The following VTA1 variants were observed in gnomAD, a reference collection of about 807,000 sequenced individuals.
VTA1 encodes vesicle trafficking 1.
VTA1 carries 24 observed loss-of-function variants against 36.9 expected under a neutral mutation model. The observed-to-expected ratio is 0.65, with a 90% CI of 0.47 to 0.91. The LOEUF is 0.91. Ranked by LOEUF, VTA1 falls within the 40% of genes least tolerant of loss-of-function variation. The pLI, the probability that VTA1 is intolerant of heterozygous loss-of-function variation, is 0.00. For missense variants in VTA1, 393 were observed against 377.2 expected (o/e 1.04, Z -0.35); for synonymous variants, 142 against 130.2 (o/e 1.09, Z -0.62).
intron 1 of VTA1, among the ~76,000 whole-genome samples, chr6:142,154,636 G>T (rs1778628643): frequency 6.6e-6 from 1 of 152,008 alleles, no homozygotes; most frequent in Admixed American, 6.6e-5. Flanking sequence ...CCAGCATTTT[G>T]TGTCACTATT....
At chr6:142,147,876 G>A (rs912657751) in intron 1 of VTA1, among the ~76,000 whole-genome samples, 1 of 152,186 alleles carries the variant, frequency 6.6e-6, no homozygotes, top group African/African-American at 2.4e-5. Context: ...GTTAAATGGG[G>A]AGTATCTGCT....
chr6:142,195,845 A>G (rs755258476), intron 5 of VTA1, among the ~76,000 whole-genome samples: 2 of 151,928 alleles, frequency 1.3e-5, no homozygotes, highest in Admixed American at 6.6e-5. Context: ...GTGTTTGTAG[A>G]TATCTTACTG....
intron 4 of VTA1, among the ~76,000 whole-genome samples, chr6:142,174,123 C>T (rs1775074372): frequency 6.6e-6 from 1 of 152,180 alleles, no homozygotes; most frequent in East Asian, 1.9e-4. Flanking sequence ...ACTGCCACCA[C>T]CCAGACCTAC....
chr6:142,182,564 C>G (rs935300821), intron 4 of VTA1, among the ~76,000 whole-genome samples: 5 of 10,148 alleles, frequency 4.9e-4, no homozygotes, highest in Non-Finnish European at 5.7e-4. Flanking sequence ...GTAGAGCTGA[C>G]AAAATTTTAA....
chr6:142,172,900 G>A (rs1301322292), intron 4 of VTA1, among the ~76,000 whole-genome samples: 1 of 151,876 alleles, frequency 6.6e-6, no homozygotes, highest in Non-Finnish European at 1.5e-5. Flanking sequence ...ACTATGCCTT[G>A]GGGTGCTTTG....
rs1019129067 is a variant in VTA1 at position 142,176,097 on chromosome 6, G to A, written c.411+5676G>A. Among the ~76,000 whole-genome samples, 3 of 152,086 alleles carry A rather than the reference G, an allele frequency of 2.0e-5. No individual in the cohort carries two copies. The East Asian group carries it at 5.8e-4, about 29-fold the overall frequency. On this transcript the variant is annotated intron_variant, in intron 4 of 7. Transcript: ENST00000367630. ...ATAAATATTTTCTTTTTCTGCTATA[G>A]CATCTTGTATAATCTGTTTGTGGCC...
intron 2 of VTA1, among the ~76,000 whole-genome samples, chr6:142,167,293 G>C (rs150219580): frequency 6.6e-6 from 1 of 152,160 alleles, no homozygotes; most frequent in Admixed American, 6.5e-5. Context: ...TGAGGACTCT[G>C]TCCTGTAACT....
chr6:142,208,967 C>T (rs1056024468), intron 7 of VTA1, among the ~76,000 whole-genome samples: 7 of 152,068 alleles, frequency 4.6e-5, no homozygotes, highest in Admixed American at 3.9e-4. Flanking sequence ...AGAATTAATA[C>T]TATGTATATA....
intron 4 of VTA1, among the ~76,000 whole-genome samples, chr6:142,181,094 A>AAAAATATAT (rs1471429927): frequency 2.7e-4 from 10 of 36,442 alleles, no homozygotes; most frequent in Admixed American, 4.0e-4. Flanking sequence ...AAAAAAAAAA[A>AAAAATATAT]ATATATATAT....
At chr6:142,149,301 TAAC>T (rs1190606817) in intron 1 of VTA1, among the ~76,000 whole-genome samples, 4 of 152,188 alleles carry the variant, frequency 2.6e-5, no homozygotes, top group African/African-American at 9.7e-5. Flanking sequence ...AGGTGACACT[TAAC>T]AATTTTAGTT....
intron 5 of VTA1, among the ~76,000 whole-genome samples, chr6:142,194,483 AATTT>A (rs1369220774): frequency 2.6e-5 from 4 of 152,038 alleles, no homozygotes. Flanking sequence ...TCTTTTGTTA[AATTT>A]ACTTCAAGTA....
chr6:142,181,097 ATATATAT>A (rs1562262283), intron 4 of VTA1, among the ~76,000 whole-genome samples: 1 of 86,502 alleles, frequency 1.2e-5, no homozygotes, highest in Non-Finnish European at 2.5e-5. Context: ...AAAAAAAAAT[ATATATAT>A]ATATATATAT....
chr6:142,186,698 A>G (rs1775345285), intron 4 of VTA1, among the ~76,000 whole-genome samples: 1 of 152,186 alleles, frequency 6.6e-6, no homozygotes, highest in Non-Finnish European at 1.5e-5. Flanking sequence ...ATTGTATGTG[A>G]GACATCCAAG....
At chr6:142,191,775 A>G (rs942937671) in intron 5 of VTA1, among the ~76,000 whole-genome samples, 1 of 152,098 alleles carries the variant, frequency 6.6e-6, no homozygotes, top group African/African-American at 2.4e-5. Flanking sequence ...AAGATAGCCT[A>G]TATATCTACA....
intron 1 of VTA1, among the ~76,000 whole-genome samples, chr6:142,152,183 A>G (rs1359499342): frequency 1.3e-5 from 2 of 152,154 alleles, no homozygotes; most frequent in South Asian, 2.1e-4. Context: ...TCCTACAATA[A>G]ATAAGAAGGC....
chr6:142,221,981 A>AG lies in VTA1; in HGVS notation c.*3338_*3339insG, dbSNP rs1464673211. ...GCGAGACTCCTTCTCAAAAAAAAAA[A>AG]AAGTATTACAATAATCAAGGTGAGA... On this transcript the variant is annotated 3_prime_UTR_variant, in exon 8 of 8. Coordinates refer to ENST00000367630, the MANE Select transcript of VTA1 (RefSeq NM_016485.5). The AG allele has an allele frequency of 6.6e-6, 1 of 151,896 alleles. No homozygotes were observed. The highest frequency in any genetic ancestry group is 1.5e-5 in the Non-Finnish European group (1 of 68,024). 9.4% of individuals were successfully genotyped at this position (151,896 alleles called of 1,614,324 possible).
At chr6:142,174,713 G>T (rs1352835092) in intron 4 of VTA1, among the ~76,000 whole-genome samples, 4 of 152,182 alleles carry the variant, frequency 2.6e-5, no homozygotes, top group African/African-American at 9.7e-5. Context: ...GGTGAGGCCT[G>T]GTGGGAGGAG....
rs758265007 is a variant in VTA1 at position 142,208,217 on chromosome 6, A to G, written c.778+4152A>G. ...ACCTCTAAGATAATACAGAAAAGCA[A>G]TAAAGACATTTGACAGATATTGGAA... On this transcript the variant is annotated intron_variant, in intron 7 of 7. Transcript: ENST00000367630. 5.3e-5 allele frequency among the ~76,000 whole-genome samples: 8 copies of G among 152,194 alleles called. No individual in the cohort carries two copies. In the East Asian group the frequency reaches 1.3e-3, roughly 26 times the overall value.
chr6:142,177,968 G>T (rs1294048277), intron 4 of VTA1, among the ~76,000 whole-genome samples: 2 of 152,094 alleles, frequency 1.3e-5, no homozygotes, highest in Non-Finnish European at 2.9e-5. Context: ...AGTCTAACAT[G>T]TACATTTGGA....
Sources: gnomAD v4.1 joint callset for allele counts (sites outside exome capture counted in the v4.1 genomes callset) on GRCh38, gnomAD v4.1.1 for gene constraint, MANE v1.5 for transcripts, NCBI Gene and HGNC (gene_info 2026-07-23, HGNC 2026-07-21) for gene names.